Variants in SYT1 observed in about 807,000 individuals in gnomAD.
SYT1 encodes synaptotagmin-1.
Under a neutral mutation model 44.8 loss-of-function variants are expected in SYT1, and 8 were observed. The ratio of observed to expected loss-of-function variants is 0.18; its 90% confidence interval spans 0.10 to 0.32. The LOEUF (loss-of-function observed/expected upper bound fraction) is 0.32. SYT1 is among the 10% of genes least tolerant of loss of function. SYT1 has a pLI of 1.00. For synonymous variants in SYT1, 154 were observed against 188.8 expected (o/e 0.82, Z 1.51); for missense variants, 286 against 509.3 (o/e 0.56, Z 4.22).
At chr12:78,888,399 A>G (rs895877164) in intron 1 of SYT1, among the ~76,000 whole-genome samples, 4 of 151,920 alleles carry the variant, frequency 2.6e-5, no homozygotes, top group African/African-American at 9.7e-5. Flanking sequence ...TGACATCAAC[A>G]TCCCCAATGA....
intron 3 of SYT1, among the ~76,000 whole-genome samples, chr12:79,198,895 C>A (rs1015292588): frequency 1.8e-4 from 28 of 152,064 alleles, no homozygotes; most frequent in African/African-American, 6.8e-4. Flanking sequence ...CTAAGGCCTA[C>A]TTTATATATT....
intron 4 of SYT1, among the ~76,000 whole-genome samples, chr12:79,260,237 G>T (rs989368474): frequency 1.3e-5 from 2 of 152,114 alleles, no homozygotes; most frequent in South Asian, 2.1e-4. Context: ...TTATACAACA[G>T]AAATCTGTCA....
At chr12:79,154,422 A>G (rs1870466937) in intron 3 of SYT1, among the ~76,000 whole-genome samples, 1 of 151,498 alleles carries the variant, frequency 6.6e-6, no homozygotes, top group Non-Finnish European at 1.5e-5. Context: ...TTTTTTTAAT[A>G]AATGAGGGAT....
At chr12:79,291,643 G>A (rs896008891) in intron 5 of SYT1, among the ~76,000 whole-genome samples, 3 of 152,152 alleles carry the variant, frequency 2.0e-5, no homozygotes, top group Non-Finnish European at 4.4e-5. Context: ...TAAACTACAT[G>A]AATGTGAAAC....
intron 2 of SYT1, among the ~76,000 whole-genome samples, chr12:78,992,697 C>T (rs1009840264): frequency 3.9e-5 from 6 of 152,174 alleles, no homozygotes; most frequent in African/African-American, 1.4e-4. Context: ...AGAGCACAGA[C>T]TGGCATTCAG....
intron 3 of SYT1, among the ~76,000 whole-genome samples, chr12:79,142,943 T>C (rs1869651151): frequency 6.6e-6 from 1 of 152,166 alleles, no homozygotes; most frequent in Non-Finnish European, 1.5e-5. Flanking sequence ...CTCAAGTGCA[T>C]TTTAAAGTAG....
chr12:79,236,818 G>A (rs1340172591), intron 4 of SYT1, among the ~76,000 whole-genome samples: 1 of 152,152 alleles, frequency 6.6e-6, no homozygotes, highest in African/African-American at 2.4e-5. Context: ...CAATAACAAC[G>A]TAGCATGTGA....
intron 9 of SYT1, among the ~76,000 whole-genome samples, chr12:79,430,277 G>A (rs1160443799): frequency 6.6e-6 from 1 of 152,182 alleles, no homozygotes; most frequent in Admixed American, 6.5e-5. Context: ...CCTGCTCTGA[G>A]TTCCTGTCAC....
chr12:79,431,513 ATTATTTATTTATTTAT>A (rs35004307), intron 9 of SYT1, among the ~76,000 whole-genome samples: 1 of 142,702 alleles, frequency 7.0e-6, no homozygotes, highest in African/African-American at 2.7e-5. Context: ...ATTTTATTTT[ATTATTTATTTATTTAT>A]TTATTTATTT....
At chr12:79,278,020 A>G (rs1475909832) in intron 4 of SYT1, among the ~76,000 whole-genome samples, 2 of 152,046 alleles carry the variant, frequency 1.3e-5, no homozygotes, top group African/African-American at 2.4e-5. Flanking sequence ...TGAAACAAAT[A>G]CTACCAGACC....
intron 3 of SYT1, among the ~76,000 whole-genome samples, chr12:79,113,515 A>AT (rs1435403669): frequency 1.3e-5 from 2 of 152,046 alleles, no homozygotes; most frequent in Non-Finnish European, 1.5e-5. Context: ...AAATTTGTGT[A>AT]TTTTTTTCTT....
intron 2 of SYT1, among the ~76,000 whole-genome samples, chr12:79,024,191 A>G (rs1872375391): frequency 1.3e-5 from 2 of 151,768 alleles, no homozygotes; most frequent in African/African-American, 4.8e-5. Flanking sequence ...GAAATAGAAT[A>G]GAATCATTTA....
intron 1 of SYT1, among the ~76,000 whole-genome samples, chr12:78,944,529 G>T (rs993455749): frequency 2.0e-5 from 3 of 151,748 alleles, no homozygotes; most frequent in Non-Finnish European, 4.4e-5. Context: ...AACTCCTGGG[G>T]GGAAATGCAG....
intron 3 of SYT1, among the ~76,000 whole-genome samples, chr12:79,167,567 C>T (rs1871290425): frequency 6.6e-6 from 1 of 151,836 alleles, no homozygotes; most frequent in Non-Finnish European, 1.5e-5. Flanking sequence ...AAATGACTTA[C>T]CCTAGAATGT....
At chr12:79,311,417 G>T (rs1460670078) in intron 8 of SYT1, among the ~76,000 whole-genome samples, 11 of 141,780 alleles carry the variant, frequency 7.8e-5, no homozygotes, top group Non-Finnish European at 1.5e-4. Flanking sequence ...TACACTGTTG[G>T]TGGGACTGTA....
rs537425359 is a variant in SYT1 at position 79,010,762 on chromosome 12, A to G, written c.-84+32831A>G. 2.7e-4 allele frequency among the ~76,000 whole-genome samples: 41 copies of G among 152,282 alleles called. 1 individual carries two copies. The South Asian group carries it at 5.6e-3, about 21-fold the overall frequency. ...CCTATGGAAGTTCAAAATTTTTTCT[A>G]GAGGTCATCCTAATCATTTCACCTT... On this transcript the variant is annotated intron_variant, in intron 2 of 10. Transcript: ENST00000261205.
At chr12:78,902,808 T>G (rs912273600) in intron 1 of SYT1, among the ~76,000 whole-genome samples, 1 of 152,192 alleles carries the variant, frequency 6.6e-6, no homozygotes, top group Non-Finnish European at 1.5e-5. Context: ...TTGTTTGATC[T>G]TGACATCTGA....
At chr12:79,209,446 G>A (rs1049099866) in intron 3 of SYT1, among the ~76,000 whole-genome samples, 2 of 152,180 alleles carry the variant, frequency 1.3e-5, no homozygotes, top group African/African-American at 4.8e-5. Context: ...GAAGGAAGCA[G>A]ATGTGCAGAA....
At chr12:78,977,982 T>G (rs1028357647) in intron 2 of SYT1, 51 bp downstream of exon 2, 4 of 152,226 alleles carry the variant, frequency 2.6e-5, no homozygotes, top group African/African-American at 9.6e-5. Flanking sequence ...ATCAACCTCC[T>G]TTATCCATCC....
Sources: gnomAD v4.1 joint callset for allele counts (sites outside exome capture counted in the v4.1 genomes callset) on GRCh38, gnomAD v4.1.1 for gene constraint, MANE v1.5 for transcripts, NCBI Gene and HGNC (gene_info 2026-07-23, HGNC 2026-07-21) for gene names.